The following TNS1 variants were observed in gnomAD, a reference collection of about 807,000 sequenced individuals.
TNS1 encodes the protein tensin 1, also known as tensin-1.
Under a neutral mutation model 168.6 loss-of-function variants are expected in TNS1, and 62 were observed. The ratio of observed to expected loss-of-function variants is 0.37; its 90% confidence interval spans 0.30 to 0.45. The LOEUF (loss-of-function observed/expected upper bound fraction) is 0.45, where lower values mean the gene tolerates loss of function less well. Ranked by LOEUF, TNS1 falls within the 20% of genes least tolerant of loss-of-function variation. The pLI is 1.00. For missense variants in TNS1, 2,240 were observed against 2,339.4 expected (o/e 0.96, Z 0.88); for synonymous variants, 934 against 933.2 (o/e 1.00, Z -0.02).
chr2:217,912,432 T>C (rs1170329628), intron 4 of TNS1, among the ~76,000 whole-genome samples: 1 of 142,124 alleles, frequency 7.0e-6, no homozygotes, highest in South Asian at 2.2e-4. Flanking sequence ...CTGGGAGGCC[T>C]GGAATCTGGG....
At chr2:217,903,620 TC>T (rs1185317847) in intron 6 of TNS1, 2 of 1,535,906 alleles carry the variant, frequency 1.3e-6, no homozygotes, top group African/African-American at 1.4e-5. Flanking sequence ...ACACAATCCT[TC>T]CTTTGCTGAA....
At chr2:217,822,030 G>T in intron 22 of TNS1, 92 bp from the exon 23 acceptor site, 1 of 1,328,152 alleles carries the variant, frequency 7.5e-7, no homozygotes, top group Non-Finnish European at 1.0e-6. Context: ...ACAGCTTCCT[G>T]GACTCCTGCC....
At chr2:217,835,242 T>G (rs1319513837) in intron 20 of TNS1, 76 bp from the exon 21 acceptor site, 2 of 1,385,378 alleles carry the variant, frequency 1.4e-6, no homozygotes, top group African/African-American at 1.5e-5. Context: ...ACCTGAGGTA[T>G]GAGGACAGTG....
At chr2:217,937,576 C>T (rs900791563) in intron 3 of TNS1, among the ~76,000 whole-genome samples, 37 of 152,262 alleles carry the variant, frequency 2.4e-4, no homozygotes, top group African/African-American at 7.7e-4. Flanking sequence ...TTCCTGCCAG[C>T]GACTGCCAGA....
Position 217,818,726 on chromosome 2 carries a change from G to A in TNS1, c.3606C>T (p.Ser1202=). 6.2e-7 allele frequency: 1 copy of A among 1,613,368 alleles called. No individual in the cohort carries two copies. ...TGGGCGTCCGGGGACCCTGGTCACT[G>A]CTCTCTCCCGACGGGAAACTCCCCA... ...TSVGSFPSGE[S]SDQGPRTPTQ... is the part of the protein sequence containing the mutation. Residue 1202 remains serine, a synonymous_variant, in exon 24 of 33, where the codon AGC becomes AGT. Transcript: ENST00000682258.
chr2:217,885,234 T>C (rs1276870110), intron 15 of TNS1, 70 bp from the exon 16 acceptor site: 4 of 1,599,444 alleles, frequency 2.5e-6, no homozygotes, highest in African/African-American at 1.3e-5. Flanking sequence ...GGAGCCTCCT[T>C]ATCAGCTCCG....
intron 18 of TNS1, among the ~76,000 whole-genome samples, chr2:217,857,491 A>G (rs1948283125): frequency 6.6e-6 from 1 of 152,190 alleles, no homozygotes; most frequent in African/African-American, 2.4e-5. Flanking sequence ...GAACCACAGG[A>G]CAACATAATA....
intron 8 of TNS1, among the ~76,000 whole-genome samples, chr2:217,897,436 G>C (rs1002342011): frequency 2.6e-5 from 4 of 152,234 alleles, no homozygotes; most frequent in African/African-American, 9.6e-5. Context: ...GCAAGTGCCT[G>C]CTTGCTAGGG....
chr2:217,809,657 A>G (rs574663768), intron 30 of TNS1, 166 bp downstream of exon 30: 1 of 682,118 alleles, frequency 1.5e-6, no homozygotes. Flanking sequence ...GGATGGATGG[A>G]TAAGTAGCTG....
chr2:217,882,018 C>A (rs931878670), intron 17 of TNS1: 4 of 240,732 alleles, frequency 1.7e-5, no homozygotes, highest in South Asian at 8.6e-5. Flanking sequence ...CTATCCAGCA[C>A]CTTTGTGTGC....
upstream of TNS1, among the ~76,000 whole-genome samples, chr2:218,012,837 T>C (rs1296302683): frequency 6.6e-6 from 1 of 152,210 alleles, no homozygotes; most frequent in African/African-American, 2.4e-5. Flanking sequence ...CCCCCTTTGC[T>C]TCTTCTTTCA....
chr2:217,821,749 C>T lies in TNS1; in HGVS notation c.3563G>A (p.Ser1188Asn). 6.8e-7 allele frequency: 1 copy of T among 1,477,870 alleles called. No homozygotes were observed. Among genetic ancestry groups the T allele is most frequent in the Non-Finnish European group, 9.0e-7 (1 of 1,117,204 alleles). 91.5% of individuals were successfully genotyped at this position (1,477,870 alleles called of 1,614,324 possible). Residue 1188 changes from serine (S) to asparagine (N), a missense_variant, in exon 23 of 33, where the codon AGT becomes AAT. By Grantham distance (46) the Ser-to-Asn change is conservative. This residue lies in a region of TNS1 where 2,131 missense variants were observed against 2,171.2 expected (regional missense o/e 0.98). Coordinates refer to ENST00000682258, the MANE Select transcript of TNS1 (RefSeq NM_001387777.1). ...SPLSTSSPIL[S>N]ADSTSVGSFP... is the part of the protein sequence containing the mutation. Reference sequence around the variant, plus strand: ...CCCCTTCCCGGCTTACCTGTCAGCACTGAGGATGGGGCTGCTGGTGGAGAG... The same window carrying T: ...CCCCTTCCCGGCTTACCTGTCAGCATTGAGGATGGGGCTGCTGGTGGAGAG...
chr2:217,835,697 T>C (rs1301032397), intron 20 of TNS1, among the ~76,000 whole-genome samples: 1 of 152,210 alleles, frequency 6.6e-6, no homozygotes, highest in Non-Finnish European at 1.5e-5. Flanking sequence ...ATTTTGCCAC[T>C]CTCCAGGATC....
intron 3 of TNS1, among the ~76,000 whole-genome samples, chr2:217,952,555 C>T (rs1464400998): frequency 6.6e-6 from 1 of 152,200 alleles, no homozygotes; most frequent in Non-Finnish European, 1.5e-5. Flanking sequence ...ATGGACACCA[C>T]ACTGTGATCT....
intron 4 of TNS1, among the ~76,000 whole-genome samples, chr2:217,918,852 G>A (rs764699302): frequency 1.4e-5 from 2 of 141,436 alleles, no homozygotes; most frequent in Admixed American, 1.5e-4. Context: ...CCCAGCCCCC[G>A]CTGTTGCCAG....
At chr2:217,939,382 T>C (rs1050082268) in intron 3 of TNS1, among the ~76,000 whole-genome samples, 1 of 152,152 alleles carries the variant, frequency 6.6e-6, no homozygotes, top group Non-Finnish European at 1.5e-5. Flanking sequence ...TAGCCAGCCA[T>C]CCATGTTGAG....
chr2:218,014,904 G>A (rs1426917352), upstream of TNS1, among the ~76,000 whole-genome samples: 7 of 142,438 alleles, frequency 4.9e-5, no homozygotes, highest in Admixed American at 4.9e-4. Flanking sequence ...AGGAAGGAAG[G>A]AAGGAAGGAA....
intron 3 of TNS1, among the ~76,000 whole-genome samples, chr2:217,923,636 G>A (rs1452197180): frequency 3.3e-5 from 5 of 152,160 alleles, no homozygotes; most frequent in East Asian, 1.9e-4. Context: ...CAATGCTCAC[G>A]GAGTGAGTGC....
Position 217,848,636 on chromosome 2 carries a change from G to A in TNS1, c.1881C>T (p.Asp627=), listed in dbSNP as rs368231680. ...GACCATCCTGGTTTGGCAATTCATC[G>A]TCCAGGATGTCTGTCTCCCGCTCAG... The part of the protein sequence containing the change: ...LASERETDIL[D]DELPNQDGHS... Residue 627 remains aspartate (D), a synonymous_variant, in exon 19 of 33, where the codon GAC becomes GAT. Transcript: ENST00000682258. 4.0e-5 allele frequency: 64 copies of A among 1,614,088 alleles called. 1 individual carries two copies. Among genetic ancestry groups the A allele is most frequent in the East Asian group, 6.7e-5 (3 of 44,884 alleles).
Sources: allele counts gnomAD v4.1 joint callset (sites outside exome capture counted in the v4.1 genomes callset), GRCh38; gene constraint gnomAD v4.1.1; regional missense constraint gnomAD v4.1.1; transcripts MANE v1.5; gene names NCBI Gene and HGNC (gene_info 2026-07-23, HGNC 2026-07-21).